CDH10: variants seen among roughly 807,000 people sequenced by gnomAD.
CDH10 encodes cadherin-10.
CDH10 carries 30 observed loss-of-function variants against 73.1 expected under a neutral mutation model. The observed-to-expected ratio is 0.41, with a 90% CI of 0.31 to 0.56. The LOEUF is 0.56. Ranked by LOEUF, CDH10 falls within the 20% of genes least tolerant of loss-of-function variation. CDH10 has a pLI of 0.27. For synonymous variants in CDH10, 345 were observed against 348.2 expected (o/e 0.99, Z 0.10); for missense variants, 815 against 973.7 (o/e 0.84, Z 2.17).
intron 2 of CDH10, among the ~76,000 whole-genome samples, chr5:24,538,334 G>T (rs1437135459): frequency 6.6e-6 from 1 of 152,012 alleles, no homozygotes; most frequent in Non-Finnish European, 1.5e-5. Context: ...ATATGTTCTA[G>T]CCTCCTGCCT....
chr5:24,526,018 C>T (rs1486218236), intron 5 of CDH10, among the ~76,000 whole-genome samples: 3 of 152,024 alleles, frequency 2.0e-5, no homozygotes, highest in Non-Finnish European at 4.4e-5. Context: ...ATTAGTCACT[C>T]ATAAATATAT....
chr5:24,620,335 A>G (rs558209309), intron 1 of CDH10, among the ~76,000 whole-genome samples: 10 of 152,226 alleles, frequency 6.6e-5, no homozygotes, highest in East Asian at 1.9e-4. Flanking sequence ...TAAGATGTAC[A>G]TAAGCTCCCT....
intron 2 of CDH10, among the ~76,000 whole-genome samples, chr5:24,578,786 T>G (rs1745689406): frequency 6.6e-6 from 1 of 152,182 alleles, no homozygotes; most frequent in African/African-American, 2.4e-5. Context: ...TCACAGAAAT[T>G]ATTTAAGACA....
chr5:24,640,778 T>C (rs1748023362), intron 1 of CDH10, among the ~76,000 whole-genome samples: 1 of 151,930 alleles, frequency 6.6e-6, no homozygotes, highest in Non-Finnish European at 1.5e-5. Context: ...CTTTCTTTAG[T>C]TCCATAATGT....
At chr5:24,590,170 T>C (rs1746150878) in intron 2 of CDH10, among the ~76,000 whole-genome samples, 1 of 151,852 alleles carries the variant, frequency 6.6e-6, no homozygotes, top group Non-Finnish European at 1.5e-5. Flanking sequence ...AACAAATAAA[T>C]GTTTTGAATT....
chr5:24,632,521 T>A (rs1351424082), intron 1 of CDH10, among the ~76,000 whole-genome samples: 1 of 151,974 alleles, frequency 6.6e-6, no homozygotes, highest in Non-Finnish European at 1.5e-5. Flanking sequence ...AGGAGCATGG[T>A]TTAATGGGAA....
intron 1 of CDH10, among the ~76,000 whole-genome samples, chr5:24,621,135 G>A (rs903986525): frequency 6.6e-6 from 1 of 151,950 alleles, no homozygotes; most frequent in Non-Finnish European, 1.5e-5. Context: ...CAGGTCATGA[G>A]AGCCCTTAGT....
intron 7 of CDH10, among the ~76,000 whole-genome samples, chr5:24,506,266 C>T (rs751768768): frequency 2.6e-5 from 4 of 152,060 alleles, no homozygotes; most frequent in Non-Finnish European, 4.4e-5. Context: ...CAGCATGGTA[C>T]GCTGGGCATG....
chr5:24,538,102 AT>A (rs1744024326), intron 2 of CDH10, among the ~76,000 whole-genome samples: 2 of 152,030 alleles, frequency 1.3e-5, no homozygotes, highest in Admixed American at 6.6e-5. Flanking sequence ...TAGCTATCAT[AT>A]TTTTGTTGAT....
intron 1 of CDH10, among the ~76,000 whole-genome samples, chr5:24,638,882 C>T (rs1747952670): frequency 6.6e-6 from 1 of 151,472 alleles, no homozygotes; most frequent in African/African-American, 2.4e-5. Flanking sequence ...AGGTCATCAC[C>T]AAAGCAAATC....
In CDH10 at chr5:24,617,033, C is replaced by T. The variant is rs570592240; in HGVS notation, c.-123-23420G>A. ...TCAAAAATCTTTGCATCAGTTATTA[C>T]GAAAGGGAATGGTCAATCCAGCCCC... On this transcript the variant is annotated intron_variant, in intron 1 of 11. Coordinates refer to ENST00000264463, the MANE Select transcript of CDH10 (RefSeq NM_006727.5). Among the ~76,000 whole-genome samples the T allele has an allele frequency of 5.9e-5, 9 of 152,140 alleles. No individual in the cohort carries two copies. The East Asian group carries it at 9.7e-4, about 16-fold the overall frequency.
intron 1 of CDH10, among the ~76,000 whole-genome samples, chr5:24,616,146 G>A (rs533113666): frequency 1.3e-5 from 2 of 151,900 alleles, no homozygotes; most frequent in African/African-American, 2.4e-5. Context: ...GAAAGAGGAA[G>A]GTGTATGCAA....
At chr5:24,610,609 T>C (rs544768892) in intron 1 of CDH10, among the ~76,000 whole-genome samples, 2 of 152,338 alleles carry the variant, frequency 1.3e-5, no homozygotes, top group East Asian at 3.9e-4. Flanking sequence ...AGATTATATA[T>C]TGATTTAATT....
chr5:24,572,999 T>TA (rs1483567936), intron 2 of CDH10, among the ~76,000 whole-genome samples: 1 of 62,190 alleles, frequency 1.6e-5, no homozygotes, highest in Non-Finnish European at 3.9e-5. Context: ...ACACAAAAAA[T>TA]AAAAAATAAA....
At chr5:24,589,885 G>A (rs756996705) in intron 2 of CDH10, among the ~76,000 whole-genome samples, 9 of 151,980 alleles carry the variant, frequency 5.9e-5, no homozygotes, top group Non-Finnish European at 4.4e-5. Context: ...TTTATAGAAG[G>A]TTTCACTACG....
intron 2 of CDH10, among the ~76,000 whole-genome samples, chr5:24,590,071 A>G (rs1746147577): frequency 6.6e-6 from 1 of 152,036 alleles, no homozygotes; most frequent in Non-Finnish European, 1.5e-5. Context: ...AAAAATGGAA[A>G]AAGAAAGCTC....
intron 2 of CDH10, among the ~76,000 whole-genome samples, chr5:24,540,970 T>C (rs181671459): frequency 5.1e-4 from 77 of 152,044 alleles, no homozygotes; most frequent in African/African-American, 1.8e-3. Flanking sequence ...TGTAAAAATG[T>C]TTATTGGTAG....
intron 1 of CDH10, among the ~76,000 whole-genome samples, chr5:24,636,534 T>C (rs1311185223): frequency 6.6e-6 from 1 of 151,948 alleles, no homozygotes; most frequent in Non-Finnish European, 1.5e-5. Flanking sequence ...ACACAGTGGC[T>C]TCTATGAAGT....
rs879680665 is a variant in CDH10 at position 24,528,485 on chromosome 5, A to G, written c.814+6627T>C. Among the ~76,000 whole-genome samples, 38 of 151,948 alleles carry G rather than the reference A, an allele frequency of 2.5e-4. 1 individual carries two copies. The highest frequency in any genetic ancestry group is 4.4e-5 in the Non-Finnish European group (3 of 67,892). On this transcript the variant is annotated intron_variant, in intron 5 of 11. Transcript: ENST00000264463. ...ACCAGGCAGGGATTATGATAGTCTC[A>G]CAGCTCACTGAACGTACGTGTCTTA...
Sources: allele counts gnomAD v4.1 joint callset (sites outside exome capture counted in the v4.1 genomes callset), GRCh38; gene constraint gnomAD v4.1.1; transcripts MANE v1.5; gene names NCBI Gene and HGNC (gene_info 2026-07-23, HGNC 2026-07-21).